LIMS1: variants seen among roughly 807,000 people sequenced by gnomAD.
LIMS1 encodes LIM and senescent cell antigen-like-containing domain protein 1.
LIMS1 carries 18 observed loss-of-function variants against 44.1 expected under a neutral mutation model. That is an observed-to-expected ratio of 0.41 (90% CI 0.28 to 0.61). The LOEUF is 0.61. Among genes scored for constraint, LIMS1 ranks in the 20% least tolerant of loss-of-function variants. The pLI is 0.32. For synonymous variants in LIMS1, 93 were observed against 149.1 expected (o/e 0.62, Z 2.74); for missense variants, 201 against 422.0 (o/e 0.48, Z 4.59).
chr2:108,624,099 G>T (rs1688421769), intron 1 of LIMS1, among the ~76,000 whole-genome samples: 1 of 152,202 alleles, frequency 6.6e-6, no homozygotes, highest in Non-Finnish European at 1.5e-5. Flanking sequence ...CACTGTGTTT[G>T]TGGTTACAGT....
chr2:108,602,515 T>C lies in LIMS1; in HGVS notation c.33-57090T>C, dbSNP rs185490417. Among the ~76,000 whole-genome samples, 3 of 152,348 alleles carry C rather than the reference T, an allele frequency of 2.0e-5. No individual in the cohort carries two copies. The East Asian group carries it at 5.8e-4, about 29-fold the overall frequency. ...TAAAATCATGAAGTGATGTCAAATT[T>C]TATCAAATGCTTTTTTAGCATCAGT... On this transcript the variant is annotated intron_variant, in intron 1 of 9. Coordinates refer to ENST00000544547, the Ensembl canonical transcript of LIMS1.
At chr2:108,651,753 CAGATG>C (rs1690506082) in intron 1 of LIMS1, among the ~76,000 whole-genome samples, 1 of 151,754 alleles carries the variant, frequency 6.6e-6, no homozygotes, top group Non-Finnish European at 1.5e-5. Flanking sequence ...TAAGAACAGC[CAGATG>C]GAAGAGATAA....
intron 1 of LIMS1, among the ~76,000 whole-genome samples, chr2:108,612,155 TC>T (rs1283856604): frequency 6.6e-6 from 1 of 151,448 alleles, no homozygotes; most frequent in African/African-American, 2.4e-5. Flanking sequence ...TTCAGGCCTT[TC>T]TTTTATTAGT....
chr2:108,582,677 A>C (rs1685932924), intron 1 of LIMS1, among the ~76,000 whole-genome samples: 2 of 152,182 alleles, frequency 1.3e-5, no homozygotes, highest in African/African-American at 4.8e-5. Context: ...CTAAGGTGGA[A>C]GGATTGTTTG....
At chr2:108,542,317 A>G (rs1418103656) in intron 1 of LIMS1, among the ~76,000 whole-genome samples, 2 of 152,190 alleles carry the variant, frequency 1.3e-5, no homozygotes, top group African/African-American at 4.8e-5. Flanking sequence ...AGTCATAACC[A>G]CCTTCTCTTA....
chr2:108,675,519 G>A (rs1189092463), intron 5 of LIMS1, among the ~76,000 whole-genome samples: 1 of 152,206 alleles, frequency 6.6e-6, no homozygotes, highest in Non-Finnish European at 1.5e-5. Flanking sequence ...ATAGCAGATA[G>A]TATTACTGAG....
At chr2:108,538,646 C>T (rs1684217601) in intron 1 of LIMS1, among the ~76,000 whole-genome samples, 2 of 152,156 alleles carry the variant, frequency 1.3e-5, no homozygotes, top group Non-Finnish European at 2.9e-5. Context: ...TCCCTTTCTA[C>T]AAAAATGGAA....
intron 5 of LIMS1, 100 bp downstream of exon 5, chr2:108,673,129 A>C (rs62151377): frequency 0.078 from 111,544 of 1,432,912 alleles, 5,144 homozygotes; most frequent in South Asian, 0.16. Flanking sequence ...GTTTTTCTCC[A>C]ATTTTTAGTC....
intron 1 of LIMS1, among the ~76,000 whole-genome samples, chr2:108,609,774 C>A (rs1298613974): frequency 6.6e-6 from 1 of 152,188 alleles, no homozygotes; most frequent in Non-Finnish European, 1.5e-5. Context: ...ACATATACAG[C>A]AGTGTATGAC....
At chr2:108,569,080 A>C (rs1182791452) in intron 1 of LIMS1, among the ~76,000 whole-genome samples, 1 of 151,950 alleles carries the variant, frequency 6.6e-6, no homozygotes, top group African/African-American at 2.4e-5. Context: ...TTTAGTAGAG[A>C]TGGGGTTTCA....
At chr2:108,609,401 C>T (rs1190619461) in intron 1 of LIMS1, among the ~76,000 whole-genome samples, 2 of 152,132 alleles carry the variant, frequency 1.3e-5, no homozygotes, top group Non-Finnish European at 2.9e-5. Flanking sequence ...TGGCTTATCA[C>T]CTGTCACATA....
At chr2:108,679,746 C>T (rs1692823110) in intron 8 of LIMS1, among the ~76,000 whole-genome samples, 1 of 127,282 alleles carries the variant, frequency 7.9e-6, no homozygotes, top group African/African-American at 2.6e-5. Flanking sequence ...GCAAGACCTC[C>T]ATCTCTACAA....
At chr2:108,573,086 T>C (rs1003196347) in intron 1 of LIMS1, among the ~76,000 whole-genome samples, 2 of 152,228 alleles carry the variant, frequency 1.3e-5, no homozygotes, top group African/African-American at 4.8e-5. Flanking sequence ...TAAAATGGGA[T>C]GCTAGAAAAA....
chr2:108,618,582 G>A (rs1032620386), intron 1 of LIMS1, among the ~76,000 whole-genome samples: 27 of 151,992 alleles, frequency 1.8e-4, no homozygotes, highest in Admixed American at 1.4e-3. Context: ...ATCCCAGCCC[G>A]TTGGGAGGCT....
At chr2:108,541,477 G>T (rs952090138) in intron 1 of LIMS1, among the ~76,000 whole-genome samples, 2 of 152,204 alleles carry the variant, frequency 1.3e-5, no homozygotes, top group African/African-American at 4.8e-5. Flanking sequence ...AGGTGCACCT[G>T]ACTGATCTGT....
intron 1 of LIMS1, among the ~76,000 whole-genome samples, chr2:108,551,596 C>G (rs1052702344): frequency 3.7e-5 from 5 of 133,856 alleles, no homozygotes; most frequent in African/African-American, 1.5e-4. Context: ...GGCATGGTTC[C>G]TATATATATA....
chr2:108,568,848 A>G lies in LIMS1; in HGVS notation c.32+34254A>G, dbSNP rs1437181803. 3.3e-5 allele frequency among the ~76,000 whole-genome samples: 5 copies of G among 152,010 alleles called. No homozygotes were observed. In the East Asian group the frequency reaches 9.6e-4, roughly 29 times the overall value. ...TGTCATCTTTGGAAAAAAGTCTGTT[A>G]AATTCTTTGCCCATGTTGTAACCAG... On this transcript the variant is annotated intron_variant, in intron 1 of 9. Coordinates refer to ENST00000544547, the Ensembl canonical transcript of LIMS1.
intron 2 of LIMS1, among the ~76,000 whole-genome samples, chr2:108,663,716 G>A (rs116763265): frequency 0.017 from 2,579 of 151,950 alleles, 37 homozygotes; most frequent in Non-Finnish European, 0.025. Flanking sequence ...ATCACAAAAT[G>A]CATTAACAGT....
chr2:108,563,637 A>G (rs797019695), intron 1 of LIMS1, among the ~76,000 whole-genome samples: 14 of 152,362 alleles, frequency 9.2e-5, no homozygotes, highest in African/African-American at 3.4e-4. Context: ...AAAGAAAGTG[A>G]TTTCTTGAAA....
Sources: allele counts gnomAD v4.1 joint callset (sites outside exome capture counted in the v4.1 genomes callset), GRCh38; gene constraint gnomAD v4.1.1; transcripts MANE v1.5; gene names NCBI Gene and HGNC (gene_info 2026-07-23, HGNC 2026-07-21).